The following OXR1 variants were observed in gnomAD, a reference collection of about 807,000 sequenced individuals.
OXR1 encodes the protein oxidation resistance 1, also known as oxidation resistance protein 1.
In OXR1, 41 loss-of-function variants were observed where a neutral mutation model predicts 104.6. The ratio of observed to expected loss-of-function variants is 0.39; its 90% CI spans 0.31 to 0.51. The LOEUF (loss-of-function observed/expected upper bound fraction) is 0.51. Among genes scored for constraint, OXR1 ranks in the 20% least tolerant of loss-of-function variants. The pLI, the probability that OXR1 is intolerant of heterozygous loss-of-function variation, is 0.77. For missense variants in OXR1, 955 were observed against 1,031.9 expected (o/e 0.93, Z 1.02); for synonymous variants, 348 against 348.4 (o/e 1.00, Z 0.01).
At chr8:106,523,106 C>G (rs1813380572) in intron 3 of OXR1, among the ~76,000 whole-genome samples, 1 of 152,228 alleles carries the variant, frequency 6.6e-6, no homozygotes, top group South Asian at 2.1e-4. Context: ...CCAGGGACCA[C>G]TCTCAGCTCC....
At position 106,692,869 on chromosome 8, in the gene OXR1, A is replaced by G; in HGVS notation, c.667A>G (p.Ser223Gly). ...TAAAATTAATTGCAAATATATTACC[A>G]GTGGCAAGGTAAAGAATGACACTTT... ...FLKINCKYIT[S>G]GKGTVSGVLL... The change falls in exon 7 of 17, where the codon AGT (serine) becomes GGT (glycine). Residue 223 changes from serine to glycine, a missense_variant. Ser to Gly is a moderately conservative substitution (Grantham distance 56). This residue lies in a region of OXR1 where 849 missense variants were observed against 852.9 expected (regional missense o/e 1.00). Transcript: ENST00000517566. The G allele has an allele frequency of 6.3e-7, 1 of 1,597,756 alleles. No individual in the cohort carries two copies. The highest frequency in any genetic ancestry group is 8.5e-7 in the Non-Finnish European group (1 of 1,169,732).
intron 3 of OXR1, among the ~76,000 whole-genome samples, chr8:106,671,832 G>C (rs6651199): frequency 2.6e-5 from 3 of 116,038 alleles, no homozygotes; most frequent in Admixed American, 9.7e-5. Context: ...GTGGGGGGAG[G>C]GGGGAGGGAT....
intron 2 of OXR1, among the ~76,000 whole-genome samples, chr8:106,360,198 G>A (rs1157953275): frequency 2.6e-5 from 4 of 152,162 alleles, no homozygotes; most frequent in Non-Finnish European, 5.9e-5. Context: ...AAAAAAAGAA[G>A]TGTAAGGATA....
intron 2 of OXR1, among the ~76,000 whole-genome samples, chr8:106,513,640 A>T (rs1812682160): frequency 6.6e-6 from 1 of 152,172 alleles, no homozygotes; most frequent in African/African-American, 2.4e-5. Flanking sequence ...TGTTTATCGA[A>T]AGTGGTACAG....
At chr8:106,680,359 A>G (rs1375442753) in intron 4 of OXR1, among the ~76,000 whole-genome samples, 1 of 152,128 alleles carries the variant, frequency 6.6e-6, no homozygotes, top group Non-Finnish European at 1.5e-5. Context: ...TGCAGTGCCA[A>G]TATGAAAAAT....
intron 11 of OXR1, among the ~76,000 whole-genome samples, chr8:106,718,838 C>CAAA (rs34959772): frequency 9.8e-5 from 13 of 132,392 alleles, no homozygotes; most frequent in East Asian, 2.2e-4. Flanking sequence ...GACTCCACCT[C>CAAA]AAAAAAAAAA....
intron 7 of OXR1, among the ~76,000 whole-genome samples, chr8:106,696,536 C>G (rs528956868): frequency 6.6e-6 from 1 of 152,208 alleles, no homozygotes; most frequent in Admixed American, 6.5e-5. Context: ...TAGTAAGAAA[C>G]TGAAGAACTC....
chr8:106,485,588 C>T (rs1810595870), intron 2 of OXR1, among the ~76,000 whole-genome samples: 1 of 152,044 alleles, frequency 6.6e-6, no homozygotes, highest in Admixed American at 6.6e-5. Context: ...AGAAATGTTA[C>T]TTACCATATG....
intron 16 of OXR1, among the ~76,000 whole-genome samples, chr8:106,749,481 T>C (rs1216132424): frequency 6.6e-6 from 1 of 152,318 alleles, no homozygotes; most frequent in Non-Finnish European, 1.5e-5. Context: ...GTCTTTACAA[T>C]TACCTAATAT....
intron 11 of OXR1, among the ~76,000 whole-genome samples, chr8:106,715,624 C>T (rs1832165606): frequency 6.6e-6 from 1 of 151,876 alleles, no homozygotes; most frequent in Non-Finnish European, 1.5e-5. Context: ...GCTAATTACA[C>T]AGGATTCAGT....
In OXR1 at chr8:106,527,510, C is replaced by G. The variant is rs537658719; in HGVS notation, c.220+8371C>G. 5.9e-5 allele frequency among the ~76,000 whole-genome samples: 9 copies of G among 152,316 alleles called. No individual in the cohort carries two copies. The South Asian group carries it at 1.9e-3, about 32-fold the overall frequency. ...CCAAGCTAAAAACTCTTTGTGGTTT[C>G]TCGAAGTTGTAATTCTGTATGATGT... On this transcript the variant is annotated intron_variant, in intron 3 of 16. Coordinates refer to ENST00000517566, the MANE Select transcript of OXR1 (RefSeq NM_001198533.2).
chr8:106,308,225 G>A (rs1402164333), intron 1 of OXR1, among the ~76,000 whole-genome samples: 1 of 152,086 alleles, frequency 6.6e-6, no homozygotes, highest in Non-Finnish European at 1.5e-5. Flanking sequence ...AGAACTAAAG[G>A]CACTAATGTC....
At chr8:106,510,649 C>T (rs1812462874) in intron 2 of OXR1, among the ~76,000 whole-genome samples, 2 of 152,084 alleles carry the variant, frequency 1.3e-5, no homozygotes. Context: ...TTTATACTGG[C>T]CTAGCCCTTC....
chr8:106,359,149 A>G (rs540928275), intron 1 of OXR1, among the ~76,000 whole-genome samples: 1 of 149,826 alleles, frequency 6.7e-6, no homozygotes, highest in Non-Finnish European at 1.5e-5. Flanking sequence ...TATCACAGGT[A>G]TATAAAACTG....
intron 2 of OXR1, among the ~76,000 whole-genome samples, chr8:106,426,362 T>A (rs946966298): frequency 2.6e-5 from 4 of 151,698 alleles, no homozygotes; most frequent in Non-Finnish European, 5.9e-5. Flanking sequence ...GTTTTTTTTT[T>A]AAACAATTGA....
chr8:106,309,748 A>C (rs984565536), intron 1 of OXR1, among the ~76,000 whole-genome samples: 3 of 150,892 alleles, frequency 2.0e-5, no homozygotes, highest in African/African-American at 7.3e-5. Flanking sequence ...TGCTGCTTTA[A>C]ATCTAAATTT....
intron 2 of OXR1, among the ~76,000 whole-genome samples, chr8:106,406,223 C>T (rs1373808167): frequency 6.6e-6 from 1 of 152,134 alleles, no homozygotes. Context: ...ATGGCTGTTA[C>T]TTCTGGCCCT....
intron 2 of OXR1, among the ~76,000 whole-genome samples, chr8:106,442,039 T>C (rs1341018789): frequency 6.6e-6 from 1 of 152,196 alleles, no homozygotes; most frequent in Non-Finnish European, 1.5e-5. Context: ...AATATGATAT[T>C]GGCTGTGTGT....
At chr8:106,726,407 G>A in intron 11 of OXR1, 1 of 639,256 alleles carries the variant, frequency 1.6e-6, no homozygotes. Flanking sequence ...AAGCATAGAG[G>A]ATATTTATAG....
Sources: allele counts gnomAD v4.1 joint callset (sites outside exome capture counted in the v4.1 genomes callset), GRCh38; gene constraint gnomAD v4.1.1; regional missense constraint gnomAD v4.1.1; transcripts MANE v1.5; gene names NCBI Gene and HGNC (gene_info 2026-07-23, HGNC 2026-07-21).